Variants in CNBD2 observed in about 807,000 individuals in gnomAD.
The protein encoded by CNBD2 is cyclic nucleotide binding domain containing 2, also known as cyclic nucleotide-binding domain-containing protein 2.
A neutral mutation model predicts 63.7 loss-of-function variants in CNBD2; 64 were observed. The ratio of observed to expected loss-of-function variants is 1.00; its 90% CI spans 0.82 to 1.24. The LOEUF is 1.24. Among genes scored for constraint, CNBD2 ranks in the 50% most tolerant of loss-of-function variants. The probability of loss-of-function intolerance (pLI) is 0.00; values close to 1 mark genes in which losing one functional copy is unlikely to be tolerated. For synonymous variants in CNBD2, 229 were observed against 255.4 expected (o/e 0.90, Z 0.99); for missense variants, 691 against 713.5 (o/e 0.97, Z 0.36).
At chr20:35,968,470 A>G, upstream of CNBD2, 4 of 314,904 alleles carry the variant, frequency 1.3e-5, no homozygotes, top group South Asian at 9.0e-5. Flanking sequence ...TGTGAGGATT[A>G]GCTGAGATAA....
chr20:36,016,129 T>G (rs891015084), intron 10 of CNBD2, among the ~76,000 whole-genome samples: 1 of 152,166 alleles, frequency 6.6e-6, no homozygotes, highest in Non-Finnish European at 1.5e-5. Flanking sequence ...GAGACGTGAT[T>G]AGAGGAAAAT....
At chr20:36,010,275 C>A (rs1276005439) in intron 9 of CNBD2, among the ~76,000 whole-genome samples, 6 of 152,088 alleles carry the variant, frequency 3.9e-5, no homozygotes, top group African/African-American at 1.4e-4. Context: ...ACAAGGGCCA[C>A]TTCACGTGAG....
chr20:35,985,045 C>A (rs1490540646), intron 6 of CNBD2, among the ~76,000 whole-genome samples: 1 of 152,094 alleles, frequency 6.6e-6, no homozygotes, highest in African/African-American at 2.4e-5. Context: ...GTAATCCCAG[C>A]ACTTTAGGAG....
At chr20:35,969,478 T>C (rs754071894) in intron 1 of CNBD2, among the ~76,000 whole-genome samples, 2 of 152,144 alleles carry the variant, frequency 1.3e-5, no homozygotes, top group Non-Finnish European at 2.9e-5. Flanking sequence ...GTAACCACTT[T>C]CCTGAAGTTG....
upstream of CNBD2, among the ~76,000 whole-genome samples, chr20:35,963,647 AT>A (rs1193726528): frequency 2.0e-5 from 3 of 152,156 alleles, no homozygotes; most frequent in African/African-American, 7.2e-5. Context: ...TCAAAAATAA[AT>A]AAATAAATAA....
intron 2 of CNBD2, chr20:35,973,009 A>ACGCTGGACCAAGGCAGGCTC: frequency 3.8e-6 from 2 of 528,284 alleles, no homozygotes; most frequent in Non-Finnish European, 6.6e-6. Context: ...GCCACAGGCA[A>ACGCTGGACCAAGGCAGGCTC]CGCTGGACCA....
chr20:35,978,558 G>A (rs908180564), intron 3 of CNBD2, among the ~76,000 whole-genome samples: 34 of 152,150 alleles, frequency 2.2e-4, no homozygotes, highest in African/African-American at 3.6e-4. Flanking sequence ...GTTAGCCAGG[G>A]TAGTCTTGAT....
At chr20:36,016,467 T>C (rs2057134097) in intron 10 of CNBD2, among the ~76,000 whole-genome samples, 1 of 152,124 alleles carries the variant, frequency 6.6e-6, no homozygotes, top group Non-Finnish European at 1.5e-5. Flanking sequence ...CTTCTCAATT[T>C]TCCTGTAAAT....
At chr20:35,980,335 C>T in intron 3 of CNBD2, 124 bp from the exon 4 acceptor site, 1 of 811,946 alleles carries the variant, frequency 1.2e-6, no homozygotes, top group Non-Finnish European at 2.0e-6. Flanking sequence ...AGTAAGCACT[C>T]ATCACGTCAG....
Position 36,011,229 on chromosome 20 carries a change from T to A in CNBD2, c.1241T>A (p.Val414Glu). 1 of 1,587,112 alleles carries A rather than the reference T, an allele frequency of 6.3e-7. No homozygotes were observed. Among genetic ancestry groups the A allele is most frequent in the Non-Finnish European group, 8.6e-7 (1 of 1,165,546 alleles). Residue 414 changes from valine (V) to glutamate (E), a missense_variant, in exon 10 of 12, where the codon GTG becomes GAG. Coordinates refer to ENST00000373973, the MANE Select transcript of CNBD2 (RefSeq NM_001365709.1). ...GCTGCAGTGGGGGCCTACGTGAAGG[T>A]GCACACTGTGGAGCAGGGAGAAATT... ...KEAAVGAYVK[V>E]HTVEQGEILG... is the part of the protein sequence containing the mutation.
intron 2 of CNBD2, 155 bp downstream of exon 2, chr20:35,972,921 T>C (rs999432966): frequency 4.9e-5 from 33 of 678,980 alleles, no homozygotes; most frequent in Non-Finnish European, 7.7e-5. Flanking sequence ...ATACTTCTGT[T>C]GGAGAGGGTG....
At chr20:35,998,301 A>C (rs2056853618) in intron 8 of CNBD2, among the ~76,000 whole-genome samples, 1 of 151,836 alleles carries the variant, frequency 6.6e-6, no homozygotes, top group South Asian at 2.1e-4. Context: ...TCGGCCTCCC[A>C]AAGTGCTGGG....
chr20:35,995,094 A>G lies in CNBD2; in HGVS notation c.912A>G (p.Arg304=). ...LDLGASPSYR[R]WIWQHLELID... ...TTGGGGCCTCCCCTTCCTACCGTAG[A>G]TGGATCTGGCAGCACCTGGAGCTGA... is the stretch of plus-strand genomic sequence containing the variant. Residue 304 remains arginine (R), a synonymous_variant, in exon 8 of 12, where the codon AGA becomes AGG. Coordinates refer to ENST00000373973, the MANE Select transcript of CNBD2 (RefSeq NM_001365709.1). 1 of 1,614,064 alleles carries G rather than the reference A, an allele frequency of 6.2e-7. No homozygotes were observed. Among genetic ancestry groups the G allele is most frequent in the Non-Finnish European group, 8.5e-7 (1 of 1,179,982 alleles).
chr20:35,997,539 T>A (rs1601061695), intron 8 of CNBD2, among the ~76,000 whole-genome samples: 1 of 152,260 alleles, frequency 6.6e-6, no homozygotes, highest in African/African-American at 2.4e-5. Context: ...GAATACAGGG[T>A]CCTTCTCTTA....
intron 11 of CNBD2, among the ~76,000 whole-genome samples, chr20:36,025,755 C>A (rs1300270760): frequency 2.6e-5 from 4 of 151,936 alleles, no homozygotes; most frequent in Non-Finnish European, 5.9e-5. Context: ...ATTGCCCAGA[C>A]CAGTGGTCTC....
chr20:35,963,804 C>T (rs530107517), upstream of CNBD2, among the ~76,000 whole-genome samples: 8 of 152,124 alleles, frequency 5.3e-5, no homozygotes, highest in South Asian at 6.2e-4. Flanking sequence ...TAGCTATGGG[C>T]GGTGAACTGC....
At chr20:35,954,452 A>G, upstream of CNBD2, 3 of 1,549,020 alleles carry the variant, frequency 1.9e-6, no homozygotes, top group Non-Finnish European at 2.6e-6. Flanking sequence ...GCTTACCTGC[A>G]CCAGCGAAGC....
chr20:35,978,374 G>T (rs1363247765), intron 3 of CNBD2, among the ~76,000 whole-genome samples: 4 of 147,636 alleles, frequency 2.7e-5, no homozygotes, highest in Non-Finnish European at 5.9e-5. Context: ...AGACGGAGTC[G>T]AGCTCTGTCT....
chr20:36,019,902 G>C (rs902515645), intron 10 of CNBD2, among the ~76,000 whole-genome samples: 3 of 152,144 alleles, frequency 2.0e-5, no homozygotes, highest in African/African-American at 7.2e-5. Flanking sequence ...GTGGATCCCT[G>C]GTTCAAGGTT....
Sources: allele counts gnomAD v4.1 joint callset (sites outside exome capture counted in the v4.1 genomes callset), GRCh38; gene constraint gnomAD v4.1.1; transcripts MANE v1.5; gene names NCBI Gene and HGNC (gene_info 2026-07-23, HGNC 2026-07-21).